Variants in ART3 observed in about 807,000 individuals in gnomAD.
ART3 encodes ADP-ribosyltransferase 3 (inactive), also known as ecto-ADP-ribosyltransferase 3.
A neutral mutation model predicts 48.5 loss-of-function variants in ART3; 49 were observed. The ratio of observed to expected loss-of-function variants is 1.01; its 90% CI spans 0.80 to 1.28. The LOEUF (loss-of-function observed/expected upper bound fraction) is 1.28, where lower values mean the gene tolerates loss of function less well. Ranked by LOEUF, ART3 falls within the 50% of genes most tolerant of loss-of-function variation. The pLI is 0.00. For synonymous variants in ART3, 145 were observed against 157.2 expected (o/e 0.92, Z 0.58); for missense variants, 438 against 454.3 (o/e 0.96, Z 0.33).
chr4:76,019,837 A>G (rs58052237), intron 1 of ART3, among the ~76,000 whole-genome samples: 2,054 of 152,152 alleles, frequency 0.013, 39 homozygotes, highest in African/African-American at 0.045. Flanking sequence ...GGGGTATGCC[A>G]GTGTTTAGCT....
intron 1 of ART3, chr4:76,035,124 T>C (rs1560586008): frequency 6.4e-7 from 1 of 1,558,962 alleles, no homozygotes; most frequent in South Asian, 1.1e-5. Flanking sequence ...GTAATACTGT[T>C]AAAAGAACAT....
intron 2 of ART3, 119 bp downstream of exon 2, chr4:76,076,077 T>G (rs1721005477): frequency 1.2e-6 from 1 of 831,518 alleles, no homozygotes. Context: ...CGATTTCGGC[T>G]CACTGCAAGC....
At chr4:76,020,265 A>T (rs993010724) in intron 1 of ART3, among the ~76,000 whole-genome samples, 18 of 151,810 alleles carry the variant, frequency 1.2e-4, no homozygotes, top group Admixed American at 1.0e-3. Context: ...TAGCTAAAAA[A>T]ATATATTTTT....
chr4:76,109,632 C>T (rs1729106339), intron 11 of ART3, among the ~76,000 whole-genome samples: 2 of 152,152 alleles, frequency 1.3e-5, no homozygotes, highest in Admixed American at 6.5e-5. Context: ...GGTTTATTTA[C>T]ACCATCATCA....
At chr4:76,107,734 C>CT (rs759571757) in intron 10 of ART3, 27 bp from the exon 11 acceptor site, 103 of 1,361,584 alleles carry the variant, frequency 7.6e-5, no homozygotes, top group Non-Finnish European at 9.9e-5. Flanking sequence ...TACAATATAA[C>CT]TAACTCAAAA....
chr4:76,108,587 C>T (rs779036254), intron 11 of ART3, among the ~76,000 whole-genome samples: 7 of 151,110 alleles, frequency 4.6e-5, no homozygotes, highest in Non-Finnish European at 7.4e-5. Context: ...TCTTGACAAT[C>T]GTCCAAACTG....
intron 1 of ART3, among the ~76,000 whole-genome samples, chr4:76,061,702 G>A (rs529493103): frequency 6.6e-6 from 1 of 152,222 alleles, no homozygotes; most frequent in South Asian, 2.1e-4. Context: ...TGTATTAAAT[G>A]GCTTGCATTT....
At chr4:76,035,450 G>A (rs1359239020) in intron 1 of ART3, 1 of 1,138,496 alleles carries the variant, frequency 8.8e-7, no homozygotes, top group African/African-American at 1.6e-5. Flanking sequence ...GGTAAAGATA[G>A]TAATTTGTCA....
chr4:76,051,884 ATC>A (rs67944546), intron 1 of ART3, among the ~76,000 whole-genome samples: 42 of 126,920 alleles, frequency 3.3e-4, no homozygotes, highest in African/African-American at 1.3e-3. Context: ...TTTATGTTGT[ATC>A]TCTCTCTCTC....
chr4:76,021,165 A>C (rs1221353480), intron 1 of ART3: 1 of 152,312 alleles, frequency 6.6e-6, no homozygotes, highest in African/African-American at 2.4e-5. Flanking sequence ...ACATTTAGAT[A>C]GTCTTTCTTA....
intron 1 of ART3, among the ~76,000 whole-genome samples, chr4:76,016,239 T>G (rs1406806069): frequency 1.3e-5 from 2 of 152,240 alleles, no homozygotes; most frequent in Non-Finnish European, 2.9e-5. Context: ...TTCCAGATAT[T>G]TGAAGATATT....
intron 2 of ART3, among the ~76,000 whole-genome samples, chr4:76,078,873 G>T (rs1721748117): frequency 6.6e-6 from 1 of 152,142 alleles, no homozygotes; most frequent in African/African-American, 2.4e-5. Flanking sequence ...GAGGTCGGGA[G>T]ATCGAGACCA....
At chr4:76,034,647 A>G (rs575617996) in intron 1 of ART3, 1 of 708,788 alleles carries the variant, frequency 1.4e-6, no homozygotes, top group South Asian at 1.7e-5. Flanking sequence ...CATCCTTCAC[A>G]TAACTGTACA....
chr4:76,110,617 CATTAT>C (rs1051417549), intron 11 of ART3, among the ~76,000 whole-genome samples: 2 of 152,052 alleles, frequency 1.3e-5, no homozygotes, highest in Non-Finnish European at 1.5e-5. Context: ...AACAGAAAAT[CATTAT>C]ATTGGCTATA....
intron 2 of ART3, among the ~76,000 whole-genome samples, chr4:76,078,681 G>A (rs996270059): frequency 2.6e-5 from 4 of 152,050 alleles, no homozygotes; most frequent in African/African-American, 7.2e-5. Context: ...TATAAATGTT[G>A]TAATGAAGAC....
chr4:76,014,826 C>T (rs904330531), intron 1 of ART3, among the ~76,000 whole-genome samples: 5 of 152,036 alleles, frequency 3.3e-5, no homozygotes, highest in Non-Finnish European at 5.9e-5. Context: ...CATATACATC[C>T]AAGGGATCCT....
At chr4:76,046,334 TA>T (rs1200138198) in intron 1 of ART3, among the ~76,000 whole-genome samples, 3 of 151,998 alleles carry the variant, frequency 2.0e-5, no homozygotes, top group African/African-American at 7.2e-5. Context: ...GAGCAGGGTA[TA>T]GGGGTTGGGT....
chr4:76,016,746 G>C (rs1035248909), intron 1 of ART3, among the ~76,000 whole-genome samples: 2 of 152,110 alleles, frequency 1.3e-5, no homozygotes, highest in Admixed American at 1.3e-4. Flanking sequence ...TATCTCCCTG[G>C]TGCTCTATTC....
At position 76,092,861 on chromosome 4, in the gene ART3, T is replaced by C. The variant is rs1265229225; in HGVS notation, c.782-4783T>C. On this transcript the variant is annotated intron_variant, in intron 3 of 11. Transcript: ENST00000355810. ...TGTTTCATTTTTAGATGTTTTCTAT[T>C]GTTTTGTATATTTCAGTACTTCATT... 2.6e-5 allele frequency among the ~76,000 whole-genome samples: 4 copies of C among 152,246 alleles called. No homozygotes were observed. The East Asian group carries it at 7.7e-4, about 29-fold the overall frequency.
Sources: allele counts gnomAD v4.1 joint callset (sites outside exome capture counted in the v4.1 genomes callset), GRCh38; gene constraint gnomAD v4.1.1; transcripts MANE v1.5; gene names NCBI Gene and HGNC (gene_info 2026-07-23, HGNC 2026-07-21).